Variants in PLEKHB2 observed in about 807,000 individuals in gnomAD.
PLEKHB2 encodes the protein pleckstrin homology domain-containing family B member 2.
PLEKHB2 carries 31 observed loss-of-function variants against 36.5 expected under a neutral mutation model. The ratio of observed to expected loss-of-function variants is 0.85; its 90% CI spans 0.64 to 1.15. The LOEUF (loss-of-function observed/expected upper bound fraction) is 1.15, where lower values mean the gene tolerates loss of function less well. PLEKHB2 is among the 50% of genes most tolerant of loss of function. The probability of loss-of-function intolerance (pLI) is 0.00; values close to 1 mark genes in which losing one functional copy is unlikely to be tolerated. For synonymous variants in PLEKHB2, 119 were observed against 112.0 expected, an observed-to-expected ratio of 1.06 and a Z score of -0.39; for missense variants, 262 against 295.3, an observed-to-expected ratio of 0.89 and a Z score of 0.83.
intron 2 of PLEKHB2, among the ~76,000 whole-genome samples, chr2:131,125,036 G>T (rs1329554214): frequency 6.6e-6 from 1 of 151,914 alleles, no homozygotes; most frequent in East Asian, 1.9e-4. Context: ...CATCTGCCTC[G>T]GCCTCCCAAA....
At position 131,146,739 on chromosome 2, in the gene PLEKHB2, G is replaced by T. The variant is rs1314426705; in HGVS notation, c.635G>T (p.Gly212Val). The part of the protein sequence containing the change: ...ALGMLAGAAT[G>V]MALGSLFWVF ...GGCATGCTGGCAGGAGCAGCCACGG[G>T]CATGGCCTTAGGGTCTCTATTTTGG... Residue 212 changes from glycine to valine, a missense_variant, in exon 8 of 8, where the codon GGC (glycine) becomes GTC (valine). Physicochemically the swap from Gly to Val is moderately radical, Grantham distance 109. Transcript: ENST00000693505. 6.2e-7 allele frequency: 1 copy of T among 1,613,844 alleles called. No homozygotes were observed. The highest frequency in any genetic ancestry group is 1.1e-5 in the South Asian group (1 of 90,980).
intron 1 of PLEKHB2, chr2:131,120,470 T>C: frequency 6.2e-6 from 1 of 162,418 alleles, no homozygotes; most frequent in South Asian, 1.7e-4. Flanking sequence ...TTTATGAACC[T>C]TTTTCTTGAT....
At chr2:131,126,829 C>G (rs565107327) in intron 4 of PLEKHB2, 43 bp downstream of exon 4, 4 of 1,130,466 alleles carry the variant, frequency 3.5e-6, no homozygotes, top group South Asian at 2.6e-5. Flanking sequence ...AAAGTATTTT[C>G]TATTTTAACT....
intron 1 of PLEKHB2, among the ~76,000 whole-genome samples, chr2:131,117,514 G>A (rs577970152): frequency 8.5e-5 from 13 of 152,278 alleles, no homozygotes; most frequent in African/African-American, 2.9e-4. Context: ...TCCTGTAACC[G>A]CCTGCGAAGT....
intron 1 of PLEKHB2, among the ~76,000 whole-genome samples, chr2:131,118,376 A>G (rs948080555): frequency 9.9e-5 from 15 of 152,220 alleles, no homozygotes; most frequent in African/African-American, 3.6e-4. Context: ...TTCAGCGTGC[A>G]TGATTTTGGA....
chr2:131,135,731 G>C (rs1435347749), intron 6 of PLEKHB2, among the ~76,000 whole-genome samples: 1 of 151,928 alleles, frequency 6.6e-6, no homozygotes, highest in East Asian at 1.9e-4. Flanking sequence ...CTCTCTAGTA[G>C]TTGTGACTAC....
chr2:131,116,136 CT>C (rs1221549866), intron 1 of PLEKHB2, among the ~76,000 whole-genome samples: 15 of 152,202 alleles, frequency 9.9e-5, no homozygotes, highest in Non-Finnish European at 2.1e-4. Context: ...TTTCCCCTTT[CT>C]CTAATAGTTT....
chr2:131,135,801 G>C (rs747190871), intron 6 of PLEKHB2, among the ~76,000 whole-genome samples: 13 of 151,774 alleles, frequency 8.6e-5, no homozygotes, highest in Admixed American at 2.6e-4. Context: ...GTAGAGACGG[G>C]GTTTCACCAT....
At chr2:131,117,534 G>A (rs560385173) in intron 1 of PLEKHB2, among the ~76,000 whole-genome samples, 1 of 152,304 alleles carries the variant, frequency 6.6e-6, no homozygotes, top group South Asian at 2.1e-4. Context: ...TTGCATGGCT[G>A]TGTTTCAGTC....
intron 1 of PLEKHB2, among the ~76,000 whole-genome samples, chr2:131,115,441 C>T (rs568552185): frequency 2.7e-5 from 4 of 146,170 alleles, no homozygotes; most frequent in African/African-American, 1.0e-4. Flanking sequence ...GCAGTCTCCG[C>T]CTCCCGGGAT....
chr2:131,113,622 G>A (rs978812450), intron 1 of PLEKHB2, among the ~76,000 whole-genome samples: 1 of 152,140 alleles, frequency 6.6e-6, no homozygotes, highest in African/African-American at 2.4e-5. Flanking sequence ...GCAAAGTTTG[G>A]CTTTTTCATT....
At chr2:131,133,277 G>C (rs1240907031) in intron 6 of PLEKHB2, among the ~76,000 whole-genome samples, 1 of 152,102 alleles carries the variant, frequency 6.6e-6, no homozygotes, top group African/African-American at 2.4e-5. Flanking sequence ...ATGATCTGTA[G>C]TTTATATGGA....
chr2:131,106,489 T>C (rs909506739), intron 1 of PLEKHB2, among the ~76,000 whole-genome samples: 9 of 152,184 alleles, frequency 5.9e-5, no homozygotes, highest in African/African-American at 2.2e-4. Context: ...ATTTGTTGAC[T>C]AAACTAATGA....
chr2:131,111,407 A>T, intron 1 of PLEKHB2, among the ~76,000 whole-genome samples: 1 of 118,994 alleles, frequency 8.4e-6, no homozygotes, highest in Admixed American at 9.1e-5. Flanking sequence ...GATTTCTTCC[A>T]TCTTGATCTT....
At chr2:131,128,170 A>G (rs2104881498) in intron 4 of PLEKHB2, among the ~76,000 whole-genome samples, 1 of 152,348 alleles carries the variant, frequency 6.6e-6, no homozygotes, top group South Asian at 2.1e-4. Flanking sequence ...GGACTGAGGT[A>G]GAACAGGGTG....
At chr2:131,122,115 G>A (rs748724257) in intron 2 of PLEKHB2, among the ~76,000 whole-genome samples, 11 of 151,908 alleles carry the variant, frequency 7.2e-5, no homozygotes, top group Non-Finnish European at 8.8e-5. Flanking sequence ...GCCTGGTCTC[G>A]AACTCCTGAC....
At chr2:131,134,931 CAT>C (rs1256141993) in intron 6 of PLEKHB2, among the ~76,000 whole-genome samples, 2 of 152,028 alleles carry the variant, frequency 1.3e-5, no homozygotes, top group Non-Finnish European at 2.9e-5. Context: ...AAATCCCATA[CAT>C]GTTTTGTTAG....
chr2:131,112,863 A>T lies in PLEKHB2; in HGVS notation c.-9+7465A>T, dbSNP rs139269431. On this transcript the variant is annotated intron_variant, in intron 1 of 7. Coordinates refer to ENST00000693505, the MANE Select transcript of PLEKHB2 (RefSeq NM_001100623.2). ...GTGGTAACTAAAGACCCATTTTCTA[A>T]ATTTTGCCGGCTTTATGTTCTTCAG... Among the ~76,000 whole-genome samples the T allele has an allele frequency of 3.8e-3, 578 of 152,110 alleles. 1 individual carries two copies. Among genetic ancestry groups the T allele is most frequent in the Middle Eastern group, 0.01 (3 of 294 alleles).
At chr2:131,134,153 C>G (rs1456660493) in intron 6 of PLEKHB2, among the ~76,000 whole-genome samples, 2 of 152,044 alleles carry the variant, frequency 1.3e-5, no homozygotes, top group African/African-American at 4.8e-5. Flanking sequence ...CCCACCTCGG[C>G]CTCCCAAAGT....
Sources: allele counts gnomAD v4.1 joint callset (sites outside exome capture counted in the v4.1 genomes callset), GRCh38; gene constraint gnomAD v4.1.1; transcripts MANE v1.5; gene names NCBI Gene and HGNC (gene_info 2026-07-23, HGNC 2026-07-21).